The following GTPBP2 variants were observed in gnomAD, a reference collection of about 807,000 sequenced individuals.
GTPBP2 encodes GTP-binding protein 2.
A neutral mutation model predicts 63.0 loss-of-function variants in GTPBP2; 32 were observed. The ratio of observed to expected loss-of-function variants is 0.51; its 90% confidence interval spans 0.38 to 0.68. The LOEUF is 0.68. Among genes scored for constraint, GTPBP2 ranks in the 30% least tolerant of loss-of-function variants. The pLI, the probability that GTPBP2 is intolerant of heterozygous loss-of-function variation, is 0.00. For missense variants in GTPBP2, 492 were observed against 796.9 expected (o/e 0.62, Z 4.61); for synonymous variants, 310 against 322.6 (o/e 0.96, Z 0.42).
rs1293564921 is a variant in GTPBP2 at position 43,621,998 on chromosome 6, C to T, written c.1632+5G>A. 2 of 1,613,938 alleles carry T rather than the reference C, an allele frequency of 1.2e-6. No homozygotes were observed. Among genetic ancestry groups the T allele is most frequent in the African/African-American group, 2.7e-5 (2 of 74,926 alleles). On this transcript the variant is annotated splice_donor_5th_base_variant and intron_variant, in intron 11 of 11. Transcript: ENST00000307126. ...TGGAGAAATGGAAGGCCAGGTCCCT[C>T]TCACCTTGGCATGGATCTTTTCCAC...
At chr6:43,627,969 A>G (rs1388811269) in intron 1 of GTPBP2, among the ~76,000 whole-genome samples, 1 of 152,234 alleles carries the variant, frequency 6.6e-6, no homozygotes, top group South Asian at 2.1e-4. Flanking sequence ...GCCCAGACCA[A>G]TGGTTCCCAA....
At position 43,625,027 on chromosome 6, in the gene GTPBP2, C is replaced by T. The variant is rs748183643; in HGVS notation, c.741G>A (p.Glu247=). ...TCATCTTGGAGCTGCTCTCACAGAT[C>T]TCTTCTGCTGTCCGTGAGTCGCTGT... ...VNYSDSRTAE[E]ICESSSKMIT... The change falls in exon 6 of 12, where the codon GAG becomes GAA. Residue 247 remains glutamate, a synonymous_variant. Coordinates refer to ENST00000307126, the MANE Select transcript of GTPBP2 (RefSeq NM_019096.5). This position sits in a 1 kb window ranked among gnomAD's most constrained non-coding sequence, Gnocchi z 5.1. 6.2e-7 allele frequency: 1 copy of T among 1,613,950 alleles called. No homozygotes were observed. Among genetic ancestry groups the T allele is most frequent in the Non-Finnish European group, 8.5e-7 (1 of 1,179,996 alleles).
Position 43,629,210 on chromosome 6 carries a change from C to G in GTPBP2, c.-48G>C, listed in dbSNP as rs1008112735. On this transcript the variant is annotated 5_prime_UTR_variant, in exon 1 of 12. Transcript: ENST00000307126. ...GCCCGGCCCCTCCCCCGACCGCCGC[C>G]GCCGTCGCCGCCGCCCTTACTGCCA... 4.0e-6 allele frequency: 5 copies of G among 1,249,394 alleles called. No individual in the cohort carries two copies. The highest frequency in any genetic ancestry group is 5.1e-6 in the Non-Finnish European group (5 of 976,848). 77.4% of individuals were successfully genotyped at this position (1,249,394 alleles called of 1,614,324 possible).
In GTPBP2 at chr6:43,622,487, T is replaced by C; in HGVS notation, c.1467+146A>G. On this transcript the variant is annotated intron_variant, in intron 10 of 11. Coordinates refer to ENST00000307126, the MANE Select transcript of GTPBP2 (RefSeq NM_019096.5). The surrounding 1 kb of genome is among the most constrained non-coding windows in gnomAD (Gnocchi z 5.4). ...AGTACGTTAAGCTGTTTTTATAGTCTACGTAGCTAGACCAGAAGCTTCTTG... is the reference window on the plus strand; with the variant it reads ...AGTACGTTAAGCTGTTTTTATAGTCCACGTAGCTAGACCAGAAGCTTCTTG... 6.6e-6 allele frequency: 5 copies of C among 759,574 alleles called. No individual in the cohort carries two copies. Among genetic ancestry groups the C allele is most frequent in the Non-Finnish European group, 1.1e-5 (5 of 451,186 alleles). The allele number at this position is 759,574 out of a possible 1,614,324, so 47.1% of individuals were successfully genotyped here.
chr6:43,626,477 C>A lies in GTPBP2; in HGVS notation c.214-67G>T. On this transcript the variant is annotated intron_variant, in intron 2 of 11. Coordinates refer to ENST00000307126, the MANE Select transcript of GTPBP2 (RefSeq NM_019096.5). The surrounding 1 kb of genome is among the most constrained non-coding windows in gnomAD (Gnocchi z 4.0). ...TCCTCCCAAACCTACATGGTCCCCA[C>A]CTGTTCTGCTGCAAGGACCAGGACT... is the stretch of plus-strand genomic sequence containing the variant. 1 of 1,291,258 alleles carries A rather than the reference C, an allele frequency of 7.7e-7. No individual in the cohort carries two copies. The highest frequency in any genetic ancestry group is 1.1e-6 in the Non-Finnish European group (1 of 900,462). 80.0% of individuals were successfully genotyped at this position (1,291,258 alleles called of 1,614,324 possible). A position where few individuals can be genotyped will look rare whatever the true frequency, so the allele number is the denominator to read the frequency against.
chr6:43,622,939 G>A lies in GTPBP2; in HGVS notation c.1296-135C>T, dbSNP rs1768907497. ...GGGGAAGAACCCTAAATTCTGACTT[G>A]GATGTAACAGGGCTCACTGCCAGAG... On this transcript the variant is annotated intron_variant, in intron 9 of 11. Coordinates refer to ENST00000307126, the MANE Select transcript of GTPBP2 (RefSeq NM_019096.5). The surrounding 1 kb of genome is among the most constrained non-coding windows in gnomAD (Gnocchi z 5.4). The A allele has an allele frequency of 1.5e-6, 1 of 647,360 alleles. No homozygotes were observed. The highest frequency in any genetic ancestry group is 2.8e-5 in the East Asian group (1 of 35,900). The allele number at this position is 647,360 out of a possible 1,614,324, so 40.1% of individuals were successfully genotyped here.
chr6:43,623,523 G>A (rs1209241723), intron 9 of GTPBP2: 3 of 587,256 alleles, frequency 5.1e-6, no homozygotes, highest in Non-Finnish European at 9.1e-6. Flanking sequence ...TCAGGGGCCT[G>A]GAGATTCCCC....
intron 9 of GTPBP2, chr6:43,623,005 A>C: frequency 3.5e-6 from 2 of 567,006 alleles, no homozygotes; most frequent in Non-Finnish European, 6.3e-6. Context: ...GCCAGCAGTG[A>C]TGGTGGACAG....
At chr6:43,627,226 G>T (rs911928113) in intron 1 of GTPBP2, 1 of 1,026,884 alleles carries the variant, frequency 9.7e-7, no homozygotes, top group Non-Finnish European at 1.2e-6. Flanking sequence ...CTGGCAGCAC[G>T]TTCTTCCTAG....
In GTPBP2 at chr6:43,621,725, C is replaced by G. The variant is rs375619838; in HGVS notation, c.1698G>C (p.Leu566=). 8.7e-6 allele frequency: 14 copies of G among 1,614,118 alleles called. No homozygotes were observed. The African/African-American group carries it at 1.6e-4, about 18-fold the overall frequency. The change falls in exon 12 of 12, where the codon CTG becomes CTC. Residue 566 remains leucine (L), a synonymous_variant. Transcript: ENST00000307126. ...RFRFLKHPEY[L]KVGAKLLFRE... ...GGAACAGCAGTTTGGCGCCCACCTTCAGGTACTCTGGGTGTTTCAGGAAGC... is the reference window on the plus strand; with the variant it reads ...GGAACAGCAGTTTGGCGCCCACCTTGAGGTACTCTGGGTGTTTCAGGAAGC...
chr6:43,627,072 G>C, intron 1 of GTPBP2, 124 bp from the exon 2 acceptor site: 3 of 853,026 alleles, frequency 3.5e-6, no homozygotes, highest in Non-Finnish European at 5.4e-6. Context: ...ACTTGGTTAG[G>C]CAAGTGCCTG....
Position 43,623,685 on chromosome 6 carries a change from T to TTA in GTPBP2, c.1295+51_1295+52insTA, listed in dbSNP as rs1352147402. The TTA allele has an allele frequency of 2.2e-6, 3 of 1,341,242 alleles. No homozygotes were observed. In the African/African-American group the frequency reaches 4.3e-5, roughly 19 times the overall value. 83.1% of individuals were successfully genotyped at this position (1,341,242 alleles called of 1,614,324 possible). On this transcript the variant is annotated intron_variant, in intron 9 of 11. Transcript: ENST00000307126. ...CTCCTCCTTTGGGCCAGGATGTCTT[T>TTA]GAGTATATAGGTGAGGGCTGAGTGG...
chr6:43,625,004 A>T lies in GTPBP2; in HGVS notation c.764T>A (p.Met255Lys). ...GCCTGCCAGGTCGATGAAGGTGATC[A>T]TCTTGGAGCTGCTCTCACAGATCTC... ...AEEICESSSK[M>K]ITFIDLAGHH... Residue 255 changes from methionine to lysine, a missense_variant, in exon 6 of 12, where the codon ATG becomes AAG. By Grantham distance (95) the Met-to-Lys change is moderately conservative. Coordinates refer to ENST00000307126, the MANE Select transcript of GTPBP2 (RefSeq NM_019096.5). This position sits in a 1 kb window ranked among gnomAD's most constrained non-coding sequence, Gnocchi z 5.1. 1.2e-6 allele frequency: 2 copies of T among 1,613,988 alleles called. No individual in the cohort carries two copies. Among genetic ancestry groups the T allele is most frequent in the Non-Finnish European group, 1.7e-6 (2 of 1,179,998 alleles).
Position 43,629,190 on chromosome 6 carries a change from G to A in GTPBP2, c.-28C>T. On this transcript the variant is annotated 5_prime_UTR_variant, in exon 1 of 12. Transcript: ENST00000307126. ...GCCGCTGCCGCCAGCCCCCCGCCCG[G>A]CCCCTCCCCCGACCGCCGCCGCCGT... is the stretch of plus-strand genomic sequence containing the variant. 3.1e-6 allele frequency: 4 copies of A among 1,286,760 alleles called. No homozygotes were observed. The highest frequency in any genetic ancestry group is 3.8e-5 in the South Asian group (2 of 52,562). The allele number at this position is 1,286,760 out of a possible 1,614,324, so 79.7% of individuals were successfully genotyped here.
intron 9 of GTPBP2, chr6:43,623,472 C>T: frequency 1.9e-6 from 1 of 534,156 alleles, no homozygotes; most frequent in Non-Finnish European, 3.3e-6. Context: ...GTTGAATACA[C>T]TCTAGTTTTC....
chr6:43,627,639 C>A (rs978840452), intron 1 of GTPBP2, among the ~76,000 whole-genome samples: 2 of 152,238 alleles, frequency 1.3e-5, no homozygotes, highest in African/African-American at 4.8e-5. Flanking sequence ...TCTTCTAGCT[C>A]CAGTGGGTAG....
In GTPBP2 at chr6:43,628,865, C is replaced by T. The variant is rs746166995; in HGVS notation, c.186+112G>A. ...GGTGTTCTCCTCCCGTGCCCCTCCTCCCTGGGGTCTCGACACCGGAAGGGG... is the reference window on the plus strand; with the variant it reads ...GGTGTTCTCCTCCCGTGCCCCTCCTTCCTGGGGTCTCGACACCGGAAGGGG... On this transcript the variant is annotated intron_variant, in intron 1 of 11. Coordinates refer to ENST00000307126, the MANE Select transcript of GTPBP2 (RefSeq NM_019096.5). 1.7e-5 allele frequency: 21 copies of T among 1,201,166 alleles called. No individual in the cohort carries two copies. The Admixed American group carries it at 2.5e-4, about 14-fold the overall frequency. 74.4% of individuals were successfully genotyped at this position (1,201,166 alleles called of 1,614,324 possible).
Position 43,624,851 on chromosome 6 carries a change from C to T in GTPBP2, c.880+37G>A. On this transcript the variant is annotated intron_variant, in intron 6 of 11. Transcript: ENST00000307126. This position sits in a 1 kb window ranked among gnomAD's most constrained non-coding sequence, Gnocchi z 5.1. ...AGGCCCAGGGTAGGAGAGTCAGCAC[C>T]CCCCTTCAGCCCTGTCCCTGCCCTA... 1 of 1,603,532 alleles carries T rather than the reference C, an allele frequency of 6.2e-7. No individual in the cohort carries two copies. Among genetic ancestry groups the T allele is most frequent in the Non-Finnish European group, 8.5e-7 (1 of 1,171,144 alleles).
rs77341530 is a variant in GTPBP2, at chr6:43,622,404, A to G, written c.1467+229T>C. Reference sequence around the variant, plus strand: ...TTTTAGGGTCCTGAACACTAAAAATAGTGTTCATTAAAAACAGTGTAACAT... The same window carrying G: ...TTTTAGGGTCCTGAACACTAAAAATGGTGTTCATTAAAAACAGTGTAACAT... On this transcript the variant is annotated intron_variant, in intron 10 of 11. Transcript: ENST00000307126. This position sits in a 1 kb window ranked among gnomAD's most constrained non-coding sequence, Gnocchi z 5.4. Among the ~76,000 whole-genome samples, 8,298 of 152,258 alleles carry G rather than the reference A, an allele frequency of 0.054. 323 individuals carry two copies. The highest frequency in any genetic ancestry group is 0.11 in the African/African-American group (4,435 of 41,536).
Sources: allele counts gnomAD v4.1 joint callset (sites outside exome capture counted in the v4.1 genomes callset), GRCh38; gene constraint gnomAD v4.1.1; non-coding constraint Gnocchi (gnomAD v3.1); transcripts MANE v1.5; gene names NCBI Gene and HGNC (gene_info 2026-07-23, HGNC 2026-07-21).